ZNF521: variants seen among roughly 807,000 people sequenced by gnomAD.
ZNF521 encodes LYST-interacting protein 3.
ZNF521 carries 14 observed loss-of-function variants against 105.5 expected under a neutral mutation model. The observed-to-expected ratio is 0.13, with a 90% CI of 0.09 to 0.21. ZNF521 has a LOEUF of 0.21. Among genes scored for constraint, ZNF521 ranks in the 10% least tolerant of loss-of-function variants. ZNF521 has a pLI of 1.00. For synonymous variants in ZNF521, 635 were observed against 606.0 expected, an observed-to-expected ratio of 1.05 and a Z score of -0.70; for missense variants, 1,233 against 1,629.7, an observed-to-expected ratio of 0.76 and a Z score of 4.19.
chr18:25,195,901 C>T (rs1353372277), intron 4 of ZNF521, among the ~76,000 whole-genome samples: 1 of 151,654 alleles, frequency 6.6e-6, no homozygotes. Flanking sequence ...TATTATAATT[C>T]TTATAGCATA....
intron 3 of ZNF521, among the ~76,000 whole-genome samples, chr18:25,293,006 C>T (rs1238685368): frequency 6.6e-6 from 1 of 152,134 alleles, no homozygotes; most frequent in Non-Finnish European, 1.5e-5. Context: ...ATAATGATCT[C>T]CAAGGTCACT....
At chr18:25,098,693 T>C (rs573002651) in intron 5 of ZNF521, among the ~76,000 whole-genome samples, 21 of 152,254 alleles carry the variant, frequency 1.4e-4, no homozygotes, top group African/African-American at 4.3e-4. Context: ...TTTAAACAAC[T>C]TGGATGTTGT....
chr18:25,158,384 TA>T (rs1253455399), intron 5 of ZNF521, among the ~76,000 whole-genome samples: 1 of 152,004 alleles, frequency 6.6e-6, no homozygotes, highest in African/African-American at 2.4e-5. Context: ...CAGTTCTGAG[TA>T]ATTAATTTTT....
intron 5 of ZNF521, among the ~76,000 whole-genome samples, chr18:25,131,762 C>A (rs562901860): frequency 1.5e-4 from 23 of 152,254 alleles, no homozygotes; most frequent in African/African-American, 5.5e-4. Flanking sequence ...GTAATATCCT[C>A]TAGTTAATAT....
At chr18:25,166,785 A>G (rs1477184622) in intron 5 of ZNF521, among the ~76,000 whole-genome samples, 6 of 152,176 alleles carry the variant, frequency 3.9e-5, no homozygotes, top group Admixed American at 2.0e-4. Context: ...CTTTTATAAG[A>G]CAGCGCCACA....
In ZNF521 at chr18:25,322,106, A is replaced by G. The variant is rs1179449951; in HGVS notation, c.122T>C (p.Leu41Ser). 1.2e-6 allele frequency: 2 copies of G among 1,614,068 alleles called. No individual in the cohort carries two copies. Among genetic ancestry groups the G allele is most frequent in the African/African-American group, 2.7e-5 (2 of 74,920 alleles). Residue 41 changes from leucine (L) to serine (S), a missense_variant, in exon 3 of 8, where the codon TTG becomes TCG. By Grantham distance (145) the Leu-to-Ser change is moderately radical. This residue lies in a region of ZNF521 where 76 missense variants were observed against 79.3 expected (regional missense o/e 0.96). Coordinates refer to ENST00000361524, the MANE Select transcript of ZNF521 (RefSeq NM_015461.3). ...ACAGCTGTGCACAGCTTCGTCTTCC[A>G]ACTCCTCCCCGTCTTCCGGCCTCTT... ...CKKRPEDGEE[L>S]EDEAVHSCDS...
At chr18:25,120,171 T>C (rs905863802) in intron 5 of ZNF521, among the ~76,000 whole-genome samples, 8 of 152,234 alleles carry the variant, frequency 5.3e-5, no homozygotes, top group Admixed American at 2.6e-4. Context: ...GATGGTTTCA[T>C]TGGTGAATTC....
intron 3 of ZNF521, among the ~76,000 whole-genome samples, chr18:25,295,261 T>C (rs926071160): frequency 2.0e-5 from 3 of 152,204 alleles, no homozygotes; most frequent in African/African-American, 7.2e-5. Flanking sequence ...CCATACTGTA[T>C]GTATTCTTTG....
chr18:25,236,449 T>C (rs1468627393), intron 3 of ZNF521, among the ~76,000 whole-genome samples: 2 of 151,706 alleles, frequency 1.3e-5, no homozygotes, highest in African/African-American at 4.8e-5. Flanking sequence ...GGCAGGAGAA[T>C]TGCCTGAACC....
At chr18:25,145,255 T>G (rs1025806527) in intron 5 of ZNF521, among the ~76,000 whole-genome samples, 3 of 152,174 alleles carry the variant, frequency 2.0e-5, no homozygotes, top group African/African-American at 7.2e-5. Flanking sequence ...TCAGTCTCCC[T>G]TTGCCATTTC....
In ZNF521 at chr18:25,321,516, T is replaced by C. The variant is rs573275474; in HGVS notation, c.220+492A>G. Among the ~76,000 whole-genome samples the C allele has an allele frequency of 5.4e-4, 82 of 152,274 alleles. 2 individuals are homozygous for C. In the South Asian group the frequency reaches 0.017, roughly 31 times the overall value. On this transcript the variant is annotated intron_variant, in intron 3 of 7. Transcript: ENST00000361524. ...TGAGCTTTCAGTCTAACGAGTGAGA[T>C]GGAAAAATGAACATACCCAGTGAGA...
chr18:25,099,123 G>C lies in ZNF521; in HGVS notation c.3659-7042C>G, dbSNP rs976503772. Among the ~76,000 whole-genome samples the C allele has an allele frequency of 1.7e-4, 26 of 152,246 alleles. 1 individual carries two copies. Among genetic ancestry groups the C allele is most frequent in the African/African-American group, 5.8e-4 (24 of 41,550 alleles). ...GAGGGCAAGGGTATTTGTCTGTTTT[G>C]CTCATTGATGTACACGAAGTACCTA... On this transcript the variant is annotated intron_variant, in intron 5 of 7. Transcript: ENST00000361524.
chr18:25,138,178 C>A (rs1201180345), intron 5 of ZNF521, among the ~76,000 whole-genome samples: 1 of 152,090 alleles, frequency 6.6e-6, no homozygotes, highest in African/African-American at 2.4e-5. Flanking sequence ...CTGATACCTC[C>A]CAGGGATTCA....
intron 3 of ZNF521, among the ~76,000 whole-genome samples, chr18:25,237,772 T>G (rs1414119700): frequency 6.6e-6 from 1 of 152,226 alleles, no homozygotes; most frequent in East Asian, 1.9e-4. Context: ...GCTCTGCTCT[T>G]TTCTCTTAAG....
rs368854459 is a variant in ZNF521, at chr18:25,195,193, C to G, written c.3625G>C (p.Asp1209His). Residue 1209 changes from aspartate to histidine, a missense_variant, in exon 5 of 8, where the codon GAT (aspartate) becomes CAT (histidine). By Grantham distance (81) the Asp-to-His change is moderately conservative (BLOSUM62 -1). Coordinates refer to ENST00000361524, the MANE Select transcript of ZNF521 (RefSeq NM_015461.3). The stretch of plus-strand genomic sequence containing the variant: ...TGATTTGCAACATGAACCTGAATAT[C>G]CCATTCATTGTAGAAAACCATCTGA... Reference protein sequence around the residue: ...KCQMVFYNEWDIQVHVANHMI... With the variant: ...KCQMVFYNEWHIQVHVANHMI... The G allele has an allele frequency of 6.3e-7, 1 of 1,599,528 alleles. No individual in the cohort carries two copies. Among genetic ancestry groups the G allele is most frequent in the African/African-American group, 1.4e-5 (1 of 73,574 alleles).
At chr18:25,086,770 T>C (rs1440749940) in intron 7 of ZNF521, among the ~76,000 whole-genome samples, 1 of 152,186 alleles carries the variant, frequency 6.6e-6, no homozygotes, top group Non-Finnish European at 1.5e-5. Context: ...AAGTCTCTGT[T>C]TGGCCCAGAT....
At chr18:25,295,527 C>T (rs988931871) in intron 3 of ZNF521, among the ~76,000 whole-genome samples, 3 of 151,548 alleles carry the variant, frequency 2.0e-5, no homozygotes, top group African/African-American at 7.3e-5. Context: ...CCCCATTTAC[C>T]TTGATGTGAT....
intron 3 of ZNF521, among the ~76,000 whole-genome samples, chr18:25,272,245 T>TA (rs1909712337): frequency 6.6e-6 from 1 of 152,138 alleles, no homozygotes. Flanking sequence ...TGGTGATCAT[T>TA]AAAAAGTCAG....
chr18:25,318,106 G>A (rs1039186448), intron 3 of ZNF521, among the ~76,000 whole-genome samples: 29 of 152,148 alleles, frequency 1.9e-4, no homozygotes, highest in African/African-American at 7.0e-4. Flanking sequence ...ATAATGATAT[G>A]TTCATATAAT....
Sources: gnomAD v4.1 joint callset for allele counts (sites outside exome capture counted in the v4.1 genomes callset) on GRCh38, gnomAD v4.1.1 for gene constraint, gnomAD v4.1.1 regional missense constraint, MANE v1.5 for transcripts, NCBI Gene and HGNC (gene_info 2026-07-23, HGNC 2026-07-21) for gene names.